The following UMAD1 variants were observed in gnomAD, a reference collection of about 807,000 sequenced individuals.
The protein encoded by UMAD1 is UBAP1-MVB12-associated (UMA) domain containing 1.
UMAD1 carries 8 observed loss-of-function variants against 6.1 expected under a neutral mutation model. The ratio of observed to expected loss-of-function variants is 1.30; its 90% CI spans 0.76 to 2.35. UMAD1 has a LOEUF of 2.35. UMAD1 is among the 30% of genes most tolerant of loss of function. The pLI is 0.00. For missense variants in UMAD1, 130 were observed against 78.4 expected (o/e 1.66, Z -2.49); for synonymous variants, 56 against 31.4 (o/e 1.78, Z -2.61).
At chr7:7,660,812 GTGT>G in intron 1 of UMAD1, among the ~76,000 whole-genome samples, 1 of 152,234 alleles carries the variant, frequency 6.6e-6, no homozygotes, top group Admixed American at 6.5e-5. Flanking sequence ...TATCTTTGTG[GTGT>G]TCTCTGTATT....
intron 3 of UMAD1, among the ~76,000 whole-genome samples, chr7:7,867,836 A>G (rs1784260752): frequency 6.6e-6 from 1 of 152,232 alleles, no homozygotes; most frequent in Non-Finnish European, 1.5e-5. Context: ...ATTAGCAATT[A>G]GGAGACTCCC....
chr7:7,728,378 G>A (rs1781182718), intron 2 of UMAD1, among the ~76,000 whole-genome samples: 1 of 152,154 alleles, frequency 6.6e-6, no homozygotes, highest in African/African-American at 2.4e-5. Context: ...GGGCACAGTG[G>A]CTCACACCTG....
intron 3 of UMAD1, among the ~76,000 whole-genome samples, chr7:7,804,090 G>T (rs6943366): frequency 0.21 from 32,029 of 151,990 alleles, 3,550 homozygotes; most frequent in African/African-American, 0.27. Flanking sequence ...AATCATTAAG[G>T]CTGGATGTAC....
chr7:7,836,049 G>A (rs1025152417), intron 3 of UMAD1, among the ~76,000 whole-genome samples: 2 of 151,734 alleles, frequency 1.3e-5, no homozygotes, highest in African/African-American at 2.4e-5. Context: ...CTATTTTATG[G>A]TCTTTATTAA....
At chr7:7,712,726 G>T (rs1160150755) in intron 2 of UMAD1, among the ~76,000 whole-genome samples, 1 of 152,152 alleles carries the variant, frequency 6.6e-6, no homozygotes, top group Non-Finnish European at 1.5e-5. Flanking sequence ...AAGTGTCAAA[G>T]AAAACATCTT....
At chr7:7,791,155 TGGGATTACA>T (rs1192156978) in intron 2 of UMAD1, among the ~76,000 whole-genome samples, 1 of 151,062 alleles carries the variant, frequency 6.6e-6, no homozygotes, top group African/African-American at 2.5e-5. Flanking sequence ...CCCAAAGTGC[TGGGATTACA>T]GGCAAGAGTC....
At chr7:7,867,747 G>C (rs947727370) in intron 3 of UMAD1, among the ~76,000 whole-genome samples, 7 of 152,086 alleles carry the variant, frequency 4.6e-5, no homozygotes, top group African/African-American at 1.7e-4. Flanking sequence ...GATAGTATGG[G>C]AGTTAGGAAG....
intron 3 of UMAD1, among the ~76,000 whole-genome samples, chr7:7,839,909 C>T (rs1783646319): frequency 6.6e-6 from 1 of 152,178 alleles, no homozygotes; most frequent in East Asian, 1.9e-4. Flanking sequence ...TATCCAGCTG[C>T]TCAAGTGCCT....
At chr7:7,866,314 G>A (rs1164600826) in intron 3 of UMAD1, among the ~76,000 whole-genome samples, 2 of 152,220 alleles carry the variant, frequency 1.3e-5, no homozygotes, top group Admixed American at 6.5e-5. Context: ...TGAACAGCCC[G>A]TAGGTTTGTG....
chr7:7,695,653 C>A (rs1447512219), intron 2 of UMAD1, among the ~76,000 whole-genome samples: 1 of 152,088 alleles, frequency 6.6e-6, no homozygotes, highest in Non-Finnish European at 1.5e-5. Context: ...CACACCATGG[C>A]CCTGAATTAA....
chr7:7,767,985 C>G (rs1256923400), intron 2 of UMAD1, among the ~76,000 whole-genome samples: 1 of 152,160 alleles, frequency 6.6e-6, no homozygotes, highest in Non-Finnish European at 1.5e-5. Context: ...TGAATGTGAA[C>G]ATGAACATAC....
intron 3 of UMAD1, among the ~76,000 whole-genome samples, chr7:7,850,009 T>G (rs1783881678): frequency 1.3e-5 from 2 of 152,178 alleles, no homozygotes; most frequent in Non-Finnish European, 2.9e-5. Context: ...AACACCCATT[T>G]TTGATGATGT....
intron 2 of UMAD1, among the ~76,000 whole-genome samples, chr7:7,751,131 G>A (rs1376274214): frequency 1.3e-5 from 2 of 152,092 alleles, no homozygotes; most frequent in African/African-American, 4.8e-5. Context: ...TGTCATTATT[G>A]TTTTCTGTGT....
chr7:7,801,078 C>T lies in UMAD1; in HGVS notation c.83-592C>T, dbSNP rs563852247. ...TGTGTCTATCCTGTGTCCTTCAAGCCAGCCTACTCACCAACTTCATTTAGT... is the reference window on the plus strand; with the variant it reads ...TGTGTCTATCCTGTGTCCTTCAAGCTAGCCTACTCACCAACTTCATTTAGT... On this transcript the variant is annotated intron_variant, in intron 2 of 3. Coordinates refer to ENST00000682710, the MANE Select transcript of UMAD1 (RefSeq NM_001302348.2). Among the ~76,000 whole-genome samples, 33 of 152,322 alleles carry T rather than the reference C, an allele frequency of 2.2e-4. No homozygotes were observed. The South Asian group carries it at 6.6e-3, about 31-fold the overall frequency.
intron 2 of UMAD1, among the ~76,000 whole-genome samples, chr7:7,728,524 G>A (rs547682680): frequency 2.0e-4 from 30 of 151,944 alleles, no homozygotes; most frequent in Non-Finnish European, 3.8e-4. Context: ...TGCACCTGTA[G>A]TCCGAGCTAC....
intron 2 of UMAD1, among the ~76,000 whole-genome samples, chr7:7,702,338 A>T (rs1042034292): frequency 1.3e-5 from 2 of 152,176 alleles, no homozygotes; most frequent in African/African-American, 4.8e-5. Flanking sequence ...TTAAGGAAAG[A>T]TGAGACTATA....
At chr7:7,827,133 A>ATGTGTGTGTGTGTGTGTG (rs1354412548) in intron 3 of UMAD1, among the ~76,000 whole-genome samples, 1 of 89,250 alleles carries the variant, frequency 1.1e-5, no homozygotes, top group African/African-American at 3.6e-5. Flanking sequence ...ATATATATAT[A>ATGTGTGTGTGTGTGTGTG]TATATATATA....
rs186556369 is a variant in UMAD1, at chr7:7,648,718, G to T, written c.-64+7897G>T. Among the ~76,000 whole-genome samples the T allele has an allele frequency of 1.4e-3, 209 of 152,064 alleles. 4 individuals are homozygous for T. The highest frequency in any genetic ancestry group is 4.9e-3 in the African/African-American group (204 of 41,466). On this transcript the variant is annotated intron_variant, in intron 1 of 3. Transcript: ENST00000682710. Reference sequence around the variant, plus strand: ...ATACAAAAATTAGCTGGCCATGGTGGTGTGTGTGCCTGTGGTCCTAGCTAC... The same window carrying T: ...ATACAAAAATTAGCTGGCCATGGTGTTGTGTGTGCCTGTGGTCCTAGCTAC...
intron 3 of UMAD1, among the ~76,000 whole-genome samples, chr7:7,858,899 C>G (rs924856403): frequency 2.6e-5 from 4 of 152,236 alleles, no homozygotes; most frequent in South Asian, 4.1e-4. Flanking sequence ...TGCCACTAAT[C>G]TCAGGAAAAT....
Sources: gnomAD v4.1 joint callset for allele counts (sites outside exome capture counted in the v4.1 genomes callset) on GRCh38, gnomAD v4.1.1 for gene constraint, MANE v1.5 for transcripts, NCBI Gene and HGNC (gene_info 2026-07-23, HGNC 2026-07-21) for gene names.